The following SYNE1 variants were observed in gnomAD, a reference collection of about 807,000 sequenced individuals.
The protein encoded by SYNE1 is spectrin repeat containing nuclear envelope protein 1.
A neutral mutation model predicts 1,111.0 loss-of-function variants in SYNE1; 616 were observed. That is an observed-to-expected ratio of 0.55 (90% CI 0.52 to 0.59). The LOEUF (loss-of-function observed/expected upper bound fraction) is 0.59. Among genes scored for constraint, SYNE1 ranks in the 20% least tolerant of loss-of-function variants. The pLI is 0.00. For missense variants in SYNE1, 10,006 were observed against 10,417.0 expected, an observed-to-expected ratio of 0.96 and a Z score of 1.72; for synonymous variants, 3,855 against 3,825.8, an observed-to-expected ratio of 1.01 and a Z score of -0.28.
intron 98 of SYNE1, among the ~76,000 whole-genome samples, chr6:152,270,849 C>T (rs944121990): frequency 1.3e-5 from 2 of 152,124 alleles, no homozygotes; most frequent in African/African-American, 2.4e-5. Flanking sequence ...CTCTGCATGA[C>T]GAGAGACCAC....
intron 129 of SYNE1, among the ~76,000 whole-genome samples, chr6:152,176,974 C>T (rs539406644): frequency 1.5e-4 from 23 of 152,126 alleles, no homozygotes; most frequent in African/African-American, 4.6e-4. Context: ...AAAATGCACA[C>T]ACACATATAT....
Position 152,510,262 on chromosome 6 carries a change from T to G in SYNE1, c.512A>C (p.Lys171Thr), listed in dbSNP as rs1280830331. ...ATTTCCTTGGATCTTGGTGGTCACC[T>G]TCCGTTTACTTGGTGGGCTGGGAGT... ...SETPSPPSKR[K>T]VTTKIQGNAK... The change falls in exon 8 of 146, where the codon AAG (lysine) becomes ACG (threonine). Residue 171 changes from lysine to threonine, a missense_variant. Physicochemically the swap from Lys to Thr is moderately conservative, Grantham distance 78. Transcript: ENST00000367255. The G allele has an allele frequency of 2.5e-6, 4 of 1,613,920 alleles. No homozygotes were observed. Among genetic ancestry groups the G allele is most frequent in the Non-Finnish European group, 1.7e-6 (2 of 1,179,982 alleles).
chr6:152,314,432 G>A (rs1352322116), intron 87 of SYNE1, among the ~76,000 whole-genome samples: 1 of 152,138 alleles, frequency 6.6e-6, no homozygotes, highest in Non-Finnish European at 1.5e-5. Context: ...ACCTTTTCCT[G>A]AGAAGCCTTT....
chr6:152,319,210 A>T (rs536081328), intron 84 of SYNE1, among the ~76,000 whole-genome samples, 195 bp from the exon 85 acceptor site: 2 of 152,278 alleles, frequency 1.3e-5, no homozygotes, highest in African/African-American at 4.8e-5. Context: ...TATTTACTGC[A>T]CTCCTTGTGT....
At chr6:152,583,297 C>T (rs931787139) in intron 3 of SYNE1, among the ~76,000 whole-genome samples, 2 of 152,102 alleles carry the variant, frequency 1.3e-5, no homozygotes, top group African/African-American at 4.8e-5. Context: ...CCTTTAGGAT[C>T]ATCACAACTT....
chr6:152,130,458 A>C (rs546433194), intron 145 of SYNE1, among the ~76,000 whole-genome samples: 14 of 152,242 alleles, frequency 9.2e-5, no homozygotes, highest in Non-Finnish European at 1.5e-4. Flanking sequence ...ATCCTTATTG[A>C]CAATTTGATG....
At chr6:152,198,913 T>G (rs2074766384) in intron 127 of SYNE1, among the ~76,000 whole-genome samples, 1 of 150,216 alleles carries the variant, frequency 6.7e-6, no homozygotes, top group African/African-American at 2.5e-5. Flanking sequence ...ACATATAAAG[T>G]GAGCACATGC....
intron 44 of SYNE1, among the ~76,000 whole-genome samples, 165 bp from the exon 45 acceptor site, chr6:152,407,361 C>T (rs992714718): frequency 3.9e-5 from 6 of 152,182 alleles, no homozygotes; most frequent in African/African-American, 1.2e-4. Context: ...CACGTAAATG[C>T]TAACCAATAC....
At chr6:152,150,029 C>T (rs187196109) in intron 135 of SYNE1, among the ~76,000 whole-genome samples, 11 of 152,316 alleles carry the variant, frequency 7.2e-5, no homozygotes, top group Admixed American at 5.2e-4. Context: ...AATATACTGT[C>T]ACTGAAATAA....
intron 32 of SYNE1, among the ~76,000 whole-genome samples, chr6:152,439,440 G>A (rs573038755): frequency 2.6e-4 from 39 of 152,230 alleles, no homozygotes; most frequent in African/African-American, 9.1e-4. Context: ...ATATTGACCA[G>A]GCTGGTCTCA....
intron 136 of SYNE1, among the ~76,000 whole-genome samples, chr6:152,149,025 C>T (rs139470402): frequency 0.013 from 1,942 of 152,234 alleles, 136 homozygotes; most frequent in Admixed American, 0.12. Context: ...TTCACCTAAA[C>T]CTAACCTCAT....
At chr6:152,407,902 C>T (rs949133375) in intron 44 of SYNE1, among the ~76,000 whole-genome samples, 2 of 151,816 alleles carry the variant, frequency 1.3e-5, no homozygotes, top group Non-Finnish European at 2.9e-5. Flanking sequence ...GCTAGGATTA[C>T]AGGCGCTCGC....
intron 78 of SYNE1, among the ~76,000 whole-genome samples, chr6:152,328,169 T>C (rs2096132554): frequency 6.6e-6 from 1 of 152,034 alleles, no homozygotes; most frequent in Non-Finnish European, 1.5e-5. Context: ...TAGGATGTCA[T>C]TTTCCTGAGA....
At chr6:152,239,110 T>C (rs1477166560) in intron 108 of SYNE1, among the ~76,000 whole-genome samples, 1 of 151,920 alleles carries the variant, frequency 6.6e-6, no homozygotes, top group Non-Finnish European at 1.5e-5. Context: ...TGTTGGTTTG[T>C]TTCATCATGT....
intron 21 of SYNE1, among the ~76,000 whole-genome samples, chr6:152,460,038 A>G (rs1037139330): frequency 6.6e-6 from 1 of 152,192 alleles, no homozygotes; most frequent in Non-Finnish European, 1.5e-5. Flanking sequence ...TATACAAATC[A>G]GTGTGTTTTA....
chr6:152,470,595 A>G (rs909813257), intron 16 of SYNE1, among the ~76,000 whole-genome samples: 2 of 152,130 alleles, frequency 1.3e-5, no homozygotes, highest in African/African-American at 4.8e-5. Flanking sequence ...TCTCAACTGT[A>G]TGTTGTTCAC....
At chr6:152,439,420 G>T (rs945539526) in intron 32 of SYNE1, among the ~76,000 whole-genome samples, 3 of 152,096 alleles carry the variant, frequency 2.0e-5, no homozygotes, top group Non-Finnish European at 4.4e-5. Context: ...AATAGAGATG[G>T]GGTATTGCTA....
chr6:152,249,693 T>C (rs1393574881), intron 104 of SYNE1, among the ~76,000 whole-genome samples: 2 of 152,178 alleles, frequency 1.3e-5, no homozygotes, highest in African/African-American at 2.4e-5. Flanking sequence ...TCTCCTCTTC[T>C]TCCCTCCCTC....
At chr6:152,481,015 A>C in intron 14 of SYNE1, 1 of 334,512 alleles carries the variant, frequency 3.0e-6, no homozygotes, top group South Asian at 2.4e-5. Flanking sequence ...GCCTGAAATC[A>C]TATAGCCATT....
Sources: allele counts gnomAD v4.1 joint callset (sites outside exome capture counted in the v4.1 genomes callset), GRCh38; gene constraint gnomAD v4.1.1; transcripts MANE v1.5; gene names NCBI Gene and HGNC (gene_info 2026-07-23, HGNC 2026-07-21).